MBIP: variants seen among roughly 807,000 people sequenced by gnomAD.
MBIP encodes the protein MAP3K12 binding inhibitory protein 1.
In MBIP, 32 loss-of-function variants were observed where a neutral mutation model predicts 45.7. The observed-to-expected ratio is 0.70, with a 90% CI of 0.53 to 0.94. The LOEUF is 0.94. Ranked by LOEUF, MBIP falls within the 40% of genes least tolerant of loss-of-function variation. The pLI is 0.00. For synonymous variants in MBIP, 145 were observed against 141.0 expected (o/e 1.03, Z -0.20); for missense variants, 381 against 405.5 (o/e 0.94, Z 0.52).
At chr14:36,304,538 G>A (rs1366875537) in intron 7 of MBIP, among the ~76,000 whole-genome samples, 2 of 152,108 alleles carry the variant, frequency 1.3e-5, no homozygotes, top group East Asian at 1.9e-4. Flanking sequence ...CTCTAAGATC[G>A]TTCTTTTAAA....
intron 7 of MBIP, among the ~76,000 whole-genome samples, chr14:36,302,281 A>G (rs1879608191): frequency 6.6e-6 from 1 of 152,124 alleles, no homozygotes; most frequent in South Asian, 2.1e-4. Flanking sequence ...TCAAGAGGTC[A>G]GGAGATCAAG....
intron 1 of MBIP, among the ~76,000 whole-genome samples, chr14:36,320,053 AGC>A (rs559435205): frequency 1.1e-4 from 17 of 152,302 alleles, no homozygotes; most frequent in African/African-American, 4.1e-4. Context: ...AAAGCTAATA[AGC>A]GCGCGCTTTT....
chr14:36,319,664 G>T, intron 1 of MBIP: 1 of 379,802 alleles, frequency 2.6e-6, no homozygotes, highest in Non-Finnish European at 5.2e-6. Flanking sequence ...GCTAGAAAAT[G>T]GTCTATGTAA....
At chr14:36,300,671 A>T in intron 8 of MBIP, 114 bp downstream of exon 8, 1 of 709,546 alleles carries the variant, frequency 1.4e-6, no homozygotes, top group South Asian at 2.3e-5. Context: ...CTTCAGTCCT[A>T]AATTTTACCA....
chr14:36,316,669 T>A, intron 2 of MBIP, 24 bp downstream of exon 2: 1 of 1,589,580 alleles, frequency 6.3e-7, no homozygotes, highest in East Asian at 2.2e-5. Flanking sequence ...AATATCGGGT[T>A]ATCATTTCTA....
rs1256788755 is a variant in MBIP at position 36,299,103 on chromosome 14, C to T, written c.1015G>A (p.Ala339Thr). 2 of 1,613,562 alleles carry T rather than the reference C, an allele frequency of 1.2e-6. No homozygotes were observed. Among genetic ancestry groups the T allele is most frequent in the Non-Finnish European group, 1.7e-6 (2 of 1,179,682 alleles). The change falls in exon 9 of 9, where the codon GCA (alanine) becomes ACA (threonine). Residue 339 changes from alanine to threonine, a missense_variant. Coordinates refer to ENST00000416007, the MANE Select transcript of MBIP (RefSeq NM_016586.3). ...LRKSREAESMATHHLP is the reference protein window; with the variant it reads ...LRKSREAESMTTHHLP ...GTTTTTCATGGAAGGTGGTGGGTTGCCATGGATTCTGCTTCTCTTGATTTT... is the reference window on the plus strand; with the variant it reads ...GTTTTTCATGGAAGGTGGTGGGTTGTCATGGATTCTGCTTCTCTTGATTTT...
intron 7 of MBIP, chr14:36,305,081 G>C (rs568679088): frequency 2.8e-4 from 42 of 152,284 alleles, no homozygotes; most frequent in African/African-American, 8.7e-4. Flanking sequence ...GTAAAATTAT[G>C]CAATTACCAT....
At chr14:36,300,709 G>C in intron 8 of MBIP, 76 bp downstream of exon 8, 1 of 1,127,206 alleles carries the variant, frequency 8.9e-7, no homozygotes, top group Non-Finnish European at 1.3e-6. Flanking sequence ...AACCATAGTA[G>C]AAACTTTTAT....
At chr14:36,302,470 C>T (rs906538920) in intron 7 of MBIP, among the ~76,000 whole-genome samples, 12 of 121,170 alleles carry the variant, frequency 9.9e-5, no homozygotes, top group Middle Eastern at 6.3e-3. Context: ...CCAGCCTGGG[C>T]GACAGAGCAA....
intron 7 of MBIP, among the ~76,000 whole-genome samples, chr14:36,301,198 AACAG>A (rs1879527249): frequency 6.6e-6 from 1 of 152,130 alleles, no homozygotes; most frequent in South Asian, 2.1e-4. Context: ...GTGAAGTGAC[AACAG>A]ACAAAGGAAA....
At chr14:36,308,856 G>A (rs985196753) in intron 6 of MBIP, among the ~76,000 whole-genome samples, 1 of 152,076 alleles carries the variant, frequency 6.6e-6, no homozygotes, top group Non-Finnish European at 1.5e-5. Context: ...CCATGCTTCC[G>A]TAGAGTGTAT....
chr14:36,302,349 G>A (rs919006082), intron 7 of MBIP, among the ~76,000 whole-genome samples: 1 of 152,012 alleles, frequency 6.6e-6, no homozygotes, highest in African/African-American at 2.4e-5. Context: ...ACAACTAGCC[G>A]GGTGTGGTGG....
chr14:36,301,175 G>C (rs1879525780), intron 7 of MBIP, among the ~76,000 whole-genome samples: 1 of 152,102 alleles, frequency 6.6e-6, no homozygotes, highest in East Asian at 1.9e-4. Context: ...TTCCATCCTA[G>C]GGTATTGAAC....
intron 7 of MBIP, among the ~76,000 whole-genome samples, chr14:36,301,180 T>C (rs941078107): frequency 6.6e-5 from 10 of 152,182 alleles, no homozygotes; most frequent in African/African-American, 2.4e-4. Flanking sequence ...TCCTAGGGTA[T>C]TGAACAAGTG....
At chr14:36,305,181 C>T (rs1436214541) in intron 7 of MBIP, 2 of 152,206 alleles carry the variant, frequency 1.3e-5, no homozygotes, top group Non-Finnish European at 2.9e-5. Flanking sequence ...TTTGCAAGGA[C>T]ACTCTTAGAG....
At chr14:36,316,091 TAAC>T (rs767870871) in intron 2 of MBIP, among the ~76,000 whole-genome samples, 22 of 152,120 alleles carry the variant, frequency 1.4e-4, no homozygotes, top group Non-Finnish European at 2.9e-4. Context: ...TTTAAAAATA[TAAC>T]AACACTATTA....
intron 2 of MBIP, among the ~76,000 whole-genome samples, chr14:36,315,911 C>T (rs1338752327): frequency 2.5e-5 from 3 of 120,098 alleles, no homozygotes; most frequent in Admixed American, 1.9e-4. Flanking sequence ...TCTTATAACA[C>T]CTTAATCACA....
In MBIP at chr14:36,316,741, C is replaced by T. The variant is rs1375572367; in HGVS notation, c.201G>A (p.Gln67=). 1 of 1,612,862 alleles carries T rather than the reference C, an allele frequency of 6.2e-7. No individual in the cohort carries two copies. The highest frequency in any genetic ancestry group is 8.5e-7 in the Non-Finnish European group (1 of 1,179,262). ...CAAGTGCACTAAAGAGCAATGCAGG[C>T]TGGAATGCCGAGAGGCTCTGGAGCT... The part of the protein sequence containing the change: ...WNKLQSLSAF[Q]PALLFSALEQ... Residue 67 remains glutamine, a synonymous_variant, in exon 2 of 9, where the codon CAG becomes CAA. Transcript: ENST00000416007.
At chr14:36,318,125 A>C (rs2139239613) in intron 1 of MBIP, among the ~76,000 whole-genome samples, 1 of 152,166 alleles carries the variant, frequency 6.6e-6, no homozygotes, top group South Asian at 2.1e-4. Flanking sequence ...TTTGTTAGAC[A>C]ACAACCTGTA....
Sources: allele counts gnomAD v4.1 joint callset (sites outside exome capture counted in the v4.1 genomes callset), GRCh38; gene constraint gnomAD v4.1.1; transcripts MANE v1.5; gene names NCBI Gene and HGNC (gene_info 2026-07-23, HGNC 2026-07-21).